The following RABL3 variants were observed in gnomAD, a reference collection of about 807,000 sequenced individuals.
RABL3 encodes rab-like protein 3.
Under a neutral mutation model 31.8 loss-of-function variants are expected in RABL3, and 31 were observed. The observed-to-expected ratio is 0.97, with a 90% CI of 0.73 to 1.31. The LOEUF is 1.31. RABL3 is among the 40% of genes most tolerant of loss of function. The probability of loss-of-function intolerance (pLI) is 0.00; values close to 1 mark genes in which losing one functional copy is unlikely to be tolerated. For missense variants in RABL3, 263 were observed against 279.6 expected, an observed-to-expected ratio of 0.94 and a Z score of 0.42; for synonymous variants, 97 against 99.9, an observed-to-expected ratio of 0.97 and a Z score of 0.18.
Position 120,694,235 on chromosome 3 carries a change from AAACAT to A in RABL3, c.535-16_535-12del. ...TGGATTTGTGCAGTCCTAGAAGATA[AAACAT>A]AAGATCCACAATTGAAAGTTAGGAA... On this transcript the variant is annotated splice_polypyrimidine_tract_variant and intron_variant, in intron 5 of 7. Coordinates refer to ENST00000273375, the MANE Select transcript of RABL3 (RefSeq NM_173825.5). 6.3e-7 allele frequency: 1 copy of A among 1,591,720 alleles called. No individual in the cohort carries two copies.
Position 120,742,451 on chromosome 3 carries a change from A to G in RABL3, c.46+11T>C. On this transcript the variant is annotated intron_variant, in intron 1 of 7. Coordinates refer to ENST00000273375, the MANE Select transcript of RABL3 (RefSeq NM_173825.5). ...GTGTCTGGAGCCCCAGAGGTAGGGT[A>G]AGCCGCTCACCTGAGTCTCCCAACA... 5 of 1,613,822 alleles carry G rather than the reference A, an allele frequency of 3.1e-6. No homozygotes were observed. The highest frequency in any genetic ancestry group is 4.2e-6 in the Non-Finnish European group (5 of 1,179,718).
Position 120,705,954 on chromosome 3 carries a change from C to T in RABL3, c.383+46G>A, listed in dbSNP as rs1324794034. On this transcript the variant is annotated intron_variant, in intron 4 of 7. Coordinates refer to ENST00000273375, the MANE Select transcript of RABL3 (RefSeq NM_173825.5). ...AAAGTGTTATTCAGGGAAGTACATTCCTGTGATTGCTACAATCTTTCAAAC... is the reference window on the plus strand; with the variant it reads ...AAAGTGTTATTCAGGGAAGTACATTTCTGTGATTGCTACAATCTTTCAAAC... 5 of 1,106,766 alleles carry T rather than the reference C, an allele frequency of 4.5e-6. No individual in the cohort carries two copies. The African/African-American group carries it at 7.7e-5, about 17-fold the overall frequency. 68.6% of individuals were successfully genotyped at this position (1,106,766 alleles called of 1,614,324 possible).
At chr3:120,730,925 C>T in intron 1 of RABL3, 138 bp from the exon 2 acceptor site, 1 of 651,950 alleles carries the variant, frequency 1.5e-6, no homozygotes, top group Admixed American at 2.8e-5. Context: ...ATATAAGCTT[C>T]ACTGAATAAA....
chr3:120,723,294 G>T (rs1326528286), intron 2 of RABL3, among the ~76,000 whole-genome samples: 1 of 152,046 alleles, frequency 6.6e-6, no homozygotes, highest in Non-Finnish European at 1.5e-5. Flanking sequence ...TAGGAAATTG[G>T]GGCAACAATT....
chr3:120,712,190 A>C (rs1323728671), intron 2 of RABL3, among the ~76,000 whole-genome samples: 2 of 152,200 alleles, frequency 1.3e-5, no homozygotes, highest in African/African-American at 4.8e-5. Flanking sequence ...ATGCTACTCT[A>C]TAAACAGCCA....
At chr3:120,693,981 C>A (rs567509528) in intron 6 of RABL3, among the ~76,000 whole-genome samples, 172 bp downstream of exon 6, 3 of 152,086 alleles carry the variant, frequency 2.0e-5, no homozygotes, top group African/African-American at 7.2e-5. Flanking sequence ...GGAATAAATA[C>A]GTCAGCAGGC....
chr3:120,742,349 G>T, intron 1 of RABL3, 113 bp downstream of exon 1: 1 of 973,470 alleles, frequency 1.0e-6, no homozygotes, highest in South Asian at 1.3e-5. Context: ...GGCCCTGGGA[G>T]GGACTTCAGC....
At chr3:120,742,154 G>T (rs1709051838) in intron 1 of RABL3, among the ~76,000 whole-genome samples, 1 of 144,060 alleles carries the variant, frequency 6.9e-6, no homozygotes, top group Admixed American at 6.9e-5. Flanking sequence ...CTCAATGCCT[G>T]CTTTTTTTTT....
At position 120,730,762 on chromosome 3, in the gene RABL3, A is replaced by C. The variant is rs1230096230; in HGVS notation, c.72T>G (p.His24Gln). 1.2e-6 allele frequency: 2 copies of C among 1,613,696 alleles called. No individual in the cohort carries two copies. The highest frequency in any genetic ancestry group is 3.3e-5 in the Admixed American group (2 of 60,000). ...CCAGCACTTGATTTTGGCATAGGAG[A>C]TGGACTAACGAAGATTTCCCAACAC... is the stretch of plus-strand genomic sequence containing the variant. ...DSGVGKSSLV[H>Q]LLCQNQVLGN... Residue 24 changes from histidine to glutamine, a missense_variant, in exon 2 of 8, where the codon CAT (histidine) becomes CAG (glutamine). Physicochemically the swap from His to Gln is conservative, Grantham distance 24 (BLOSUM62 0). Coordinates refer to ENST00000273375, the MANE Select transcript of RABL3 (RefSeq NM_173825.5).
Position 120,730,689 on chromosome 3 carries a change from C to A in RABL3, c.138+7G>T. 1 of 1,595,372 alleles carries A rather than the reference C, an allele frequency of 6.3e-7. No individual in the cohort carries two copies. The highest frequency in any genetic ancestry group is 1.1e-5 in the South Asian group (1 of 90,196). On this transcript the variant is annotated splice_region_variant and intron_variant, in intron 2 of 7. Transcript: ENST00000273375. The stretch of plus-strand genomic sequence containing the variant: ...TATTGAAAAACTAAAATATAAAAGA[C>A]ACATACTCTGACATCCACTGAGCAG...
chr3:120,707,049 C>G (rs1708557391), intron 3 of RABL3, among the ~76,000 whole-genome samples: 1 of 152,142 alleles, frequency 6.6e-6, no homozygotes, highest in African/African-American at 2.4e-5. Context: ...AACTCCCAAC[C>G]CTTTTCTATA....
intron 1 of RABL3, among the ~76,000 whole-genome samples, chr3:120,740,051 A>T (rs1709022735): frequency 6.6e-6 from 1 of 152,222 alleles, no homozygotes; most frequent in Non-Finnish European, 1.5e-5. Flanking sequence ...AAATTTGATC[A>T]AAAGAATGCA....
chr3:120,741,950 C>A (rs116746269), intron 1 of RABL3, among the ~76,000 whole-genome samples: 69 of 152,294 alleles, frequency 4.5e-4, no homozygotes, highest in Middle Eastern at 3.4e-3. Context: ...CTCTCTGCCT[C>A]ACTACTCTCA....
intron 2 of RABL3, among the ~76,000 whole-genome samples, chr3:120,725,798 G>T (rs977435481): frequency 6.6e-6 from 1 of 152,078 alleles, no homozygotes; most frequent in African/African-American, 2.4e-5. Context: ...GGCCTATTGT[G>T]GGGAGGAGGG....
At chr3:120,697,896 T>C (rs1247337779) in intron 5 of RABL3, among the ~76,000 whole-genome samples, 2 of 152,194 alleles carry the variant, frequency 1.3e-5, no homozygotes, top group Admixed American at 6.5e-5. Context: ...CCAGGTGCAG[T>C]GGCTCGCGCC....
At chr3:120,695,568 A>C (rs988713352) in intron 5 of RABL3, among the ~76,000 whole-genome samples, 1 of 152,212 alleles carries the variant, frequency 6.6e-6, no homozygotes, top group Middle Eastern at 3.2e-3. Flanking sequence ...AGAAAATGCT[A>C]GCAGATTGAA....
intron 2 of RABL3, among the ~76,000 whole-genome samples, chr3:120,725,178 C>A (rs1362357358): frequency 1.3e-5 from 2 of 152,070 alleles, no homozygotes; most frequent in Non-Finnish European, 2.9e-5. Flanking sequence ...TTTATGCAGC[C>A]AAAAGACACA....
At chr3:120,726,539 G>A (rs955139391) in intron 2 of RABL3, among the ~76,000 whole-genome samples, 1 of 151,950 alleles carries the variant, frequency 6.6e-6, no homozygotes, top group South Asian at 2.1e-4. Context: ...TCAGGAGTTC[G>A]AGACCAGCCT....
At chr3:120,701,647 T>C (rs996583232) in intron 4 of RABL3, among the ~76,000 whole-genome samples, 1 of 152,226 alleles carries the variant, frequency 6.6e-6, no homozygotes, top group Non-Finnish European at 1.5e-5. Flanking sequence ...CTTTGAAATA[T>C]AGGTTTTAAA....
Sources: allele counts gnomAD v4.1 joint callset (sites outside exome capture counted in the v4.1 genomes callset), GRCh38; gene constraint gnomAD v4.1.1; transcripts MANE v1.5; gene names NCBI Gene and HGNC (gene_info 2026-07-23, HGNC 2026-07-21).